Variants in LSAMP observed in about 807,000 individuals in gnomAD.
The protein encoded by LSAMP is limbic system-associated membrane protein.
Under a neutral mutation model 38.6 loss-of-function variants are expected in LSAMP, and 7 were observed. The observed-to-expected ratio is 0.18, with a 90% CI of 0.10 to 0.34. The LOEUF is 0.34. Among genes scored for constraint, LSAMP ranks in the 10% least tolerant of loss-of-function variants. The probability of loss-of-function intolerance (pLI) is 1.00; values close to 1 mark genes in which losing one functional copy is unlikely to be tolerated. For missense variants in LSAMP, 313 were observed against 420.0 expected (o/e 0.75, Z 2.23); for synonymous variants, 154 against 166.8 (o/e 0.92, Z 0.59).
chr3:116,055,419 G>C (rs1444474405), intron 2 of LSAMP, among the ~76,000 whole-genome samples: 1 of 152,090 alleles, frequency 6.6e-6, no homozygotes, highest in Non-Finnish European at 1.5e-5. Context: ...AACCTTATTT[G>C]GTAGTTTAAT....
intron 1 of LSAMP, among the ~76,000 whole-genome samples, chr3:116,185,823 A>G (rs1008468159): frequency 3.3e-5 from 5 of 151,424 alleles, no homozygotes; most frequent in African/African-American, 1.2e-4. Context: ...TTCCTGCTCC[A>G]CACCCAGTGC....
chr3:116,203,032 G>C lies in LSAMP; in HGVS notation c.156-116476C>G, dbSNP rs373107085. Among the ~76,000 whole-genome samples the C allele has an allele frequency of 3.3e-5, 5 of 152,320 alleles. No homozygotes were observed. In the East Asian group the frequency reaches 7.7e-4, roughly 23 times the overall value. ...TAAAACTATTTTAGAGGTTCTAAGA[G>C]TGTTTAAATCCTCTAGTTTTAGAGA... On this transcript the variant is annotated intron_variant, in intron 1 of 6. Coordinates refer to ENST00000490035, the MANE Select transcript of LSAMP (RefSeq NM_002338.5).
At chr3:115,925,688 T>C (rs899004411) in intron 3 of LSAMP, among the ~76,000 whole-genome samples, 1 of 152,208 alleles carries the variant, frequency 6.6e-6, no homozygotes, top group Non-Finnish European at 1.5e-5. Context: ...AATTAAACAC[T>C]GAGTTATTGG....
chr3:116,130,050 C>T (rs543064807), intron 1 of LSAMP, among the ~76,000 whole-genome samples: 13 of 152,296 alleles, frequency 8.5e-5, no homozygotes, highest in Non-Finnish European at 1.6e-4. Flanking sequence ...CCAAGCATAT[C>T]TAGGAACACT....
At chr3:116,404,383 T>A (rs1267264704) in intron 1 of LSAMP, among the ~76,000 whole-genome samples, 1 of 152,178 alleles carries the variant, frequency 6.6e-6, no homozygotes, top group Admixed American at 6.5e-5. Context: ...ATATGCCAGT[T>A]AGTACCAGAC....
At chr3:116,325,258 A>T (rs997422771) in intron 1 of LSAMP, among the ~76,000 whole-genome samples, 2 of 152,030 alleles carry the variant, frequency 1.3e-5, no homozygotes, top group Admixed American at 6.6e-5. Context: ...CTCCTGCCTC[A>T]GTCTCCTTAG....
intron 1 of LSAMP, among the ~76,000 whole-genome samples, chr3:116,292,034 C>T (rs1444501184): frequency 1.3e-5 from 2 of 152,114 alleles, no homozygotes; most frequent in Non-Finnish European, 2.9e-5. Flanking sequence ...AAAATGGTAC[C>T]ACTCGCAAAA....
At chr3:116,293,035 C>A (rs1482477509) in intron 1 of LSAMP, among the ~76,000 whole-genome samples, 1 of 152,102 alleles carries the variant, frequency 6.6e-6, no homozygotes, top group Non-Finnish European at 1.5e-5. Context: ...GAACACCAGC[C>A]CAAAGAGGTT....
chr3:115,863,098 C>T (rs1480947299), intron 3 of LSAMP, among the ~76,000 whole-genome samples: 1 of 152,178 alleles, frequency 6.6e-6, no homozygotes, highest in African/African-American at 2.4e-5. Flanking sequence ...AAGTGAGGGT[C>T]ACTAAATTTA....
At chr3:116,203,400 T>TA (rs1414839699) in intron 1 of LSAMP, among the ~76,000 whole-genome samples, 143 of 141,520 alleles carry the variant, frequency 1.0e-3, no homozygotes, top group African/African-American at 3.5e-3. Context: ...TTTATTTATT[T>TA]TTTATTTTTT....
intron 1 of LSAMP, among the ~76,000 whole-genome samples, chr3:116,119,228 G>A (rs566548605): frequency 6.6e-6 from 1 of 152,082 alleles, no homozygotes; most frequent in Non-Finnish European, 1.5e-5. Context: ...GATGTAGGGA[G>A]AAAAGTGAGA....
intron 1 of LSAMP, among the ~76,000 whole-genome samples, chr3:116,188,695 G>A (rs992187016): frequency 6.6e-5 from 10 of 152,272 alleles, no homozygotes; most frequent in African/African-American, 9.6e-5. Context: ...AAAGTGATGC[G>A]TTTATTTGCT....
chr3:115,804,622 A>G lies in LSAMP; in HGVS notation c.*5695T>C, dbSNP rs1231162812. ...TTCTCTTAGGTAGATTAGTGCATTTAAAGCCTGAAGTTAATTTGACCTAAA... is the reference window on the plus strand; with the variant it reads ...TTCTCTTAGGTAGATTAGTGCATTTGAAGCCTGAAGTTAATTTGACCTAAA... On this transcript the variant is annotated 3_prime_UTR_variant, in exon 7 of 7. Coordinates refer to ENST00000490035, the MANE Select transcript of LSAMP (RefSeq NM_002338.5). The G allele has an allele frequency of 6.6e-6, 1 of 152,098 alleles. No homozygotes were observed. The highest frequency in any genetic ancestry group is 2.4e-5 in the African/African-American group (1 of 41,420). The allele number at this position is 152,098 out of a possible 1,614,324, so 9.4% of individuals were successfully genotyped here. A position where few individuals can be genotyped will look rare whatever the true frequency, so the allele number is the denominator to read the frequency against.
intron 2 of LSAMP, among the ~76,000 whole-genome samples, chr3:116,030,142 A>G (rs1398676866): frequency 6.6e-6 from 1 of 152,134 alleles, no homozygotes; most frequent in Non-Finnish European, 1.5e-5. Context: ...TCTACCTAAA[A>G]TCAAGGTATA....
intron 3 of LSAMP, among the ~76,000 whole-genome samples, chr3:115,975,109 T>TTG (rs1403378575): frequency 6.6e-6 from 1 of 152,000 alleles, no homozygotes; most frequent in East Asian, 1.9e-4. Flanking sequence ...TTAGAATACT[T>TTG]TGTGTGTGAG....
In LSAMP at chr3:115,810,329, G is replaced by A. The variant is rs1933781891; in HGVS notation, c.1005C>T (p.Leu335=). Residue 335 remains leucine (L), a synonymous_variant, in exon 7 of 7, where the codon CTC becomes CTT. Transcript: ENST00000490035. ...WLLAASLLCL[L]SKC ...AATTTTTATTCTATTAACATTTGCT[G>A]AGAAGGCAGAGCAGAGATGCTGCCA... The A allele has an allele frequency of 6.2e-7, 1 of 1,610,922 alleles. No homozygotes were observed. Among genetic ancestry groups the A allele is most frequent in the Non-Finnish European group, 8.5e-7 (1 of 1,178,276 alleles).
intron 4 of LSAMP, among the ~76,000 whole-genome samples, chr3:115,846,664 G>T (rs1429296106): frequency 6.6e-6 from 1 of 152,086 alleles, no homozygotes; most frequent in African/African-American, 2.4e-5. Context: ...TTAACCCCAG[G>T]TTTATCATGC....
intron 3 of LSAMP, among the ~76,000 whole-genome samples, chr3:115,874,286 C>G (rs1346554036): frequency 6.6e-6 from 1 of 152,096 alleles, no homozygotes; most frequent in Non-Finnish European, 1.5e-5. Context: ...CTCCAATGCC[C>G]TCTCCTTTAG....
chr3:116,437,575 G>A (rs956127633), intron 1 of LSAMP, among the ~76,000 whole-genome samples: 2 of 151,752 alleles, frequency 1.3e-5, no homozygotes, highest in Non-Finnish European at 2.9e-5. Context: ...TGATTTACAG[G>A]GAGAAGAGAG....
Sources: gnomAD v4.1 joint callset for allele counts (sites outside exome capture counted in the v4.1 genomes callset) on GRCh38, gnomAD v4.1.1 for gene constraint, MANE v1.5 for transcripts, NCBI Gene and HGNC (gene_info 2026-07-23, HGNC 2026-07-21) for gene names.